The following ADAMTSL1 variants were observed in gnomAD, a reference collection of about 807,000 sequenced individuals.
ADAMTSL1 encodes the protein ADAMTS-like protein 1.
Under a neutral mutation model 201.8 loss-of-function variants are expected in ADAMTSL1, and 126 were observed. The ratio of observed to expected loss-of-function variants is 0.62; its 90% CI spans 0.54 to 0.72. The LOEUF is 0.72. Ranked by LOEUF, ADAMTSL1 falls within the 30% of genes least tolerant of loss-of-function variation. The probability of loss-of-function intolerance (pLI) is 0.00; values close to 1 mark genes in which losing one functional copy is unlikely to be tolerated. For missense variants in ADAMTSL1, 2,679 were observed against 2,277.8 expected, an observed-to-expected ratio of 1.18 and a Z score of -3.59; for synonymous variants, 1,121 against 903.4, an observed-to-expected ratio of 1.24 and a Z score of -4.32.
chr9:18,880,945 T>G (rs1828490288), intron 23 of ADAMTSL1, among the ~76,000 whole-genome samples: 1 of 152,214 alleles, frequency 6.6e-6, no homozygotes. Context: ...AACTTGCACT[T>G]TTATGTAAGA....
rs1454774774 is a variant in ADAMTSL1, at chr9:18,706,948, A to C, written c.1776A>C (p.Pro592=). Residue 592 remains proline, a synonymous_variant, in exon 14 of 29, where the codon CCA becomes CCC. Transcript: ENST00000380548. ...PCSGEIPEFN[P]DETDGLFGGL... is the part of the protein sequence containing the mutation. ...GCGGGGAAATTCCTGAGTTCAACCC[A>C]GACGAGACAGATGGGCTCTTTGGTG... 1 of 1,613,884 alleles carries C rather than the reference A, an allele frequency of 6.2e-7. No homozygotes were observed. The highest frequency in any genetic ancestry group is 1.3e-5 in the African/African-American group (1 of 74,928).
chr9:18,316,930 A>G (rs1563882433), intron 2 of ADAMTSL1, among the ~76,000 whole-genome samples: 1 of 152,168 alleles, frequency 6.6e-6, no homozygotes, highest in Non-Finnish European at 1.5e-5. Flanking sequence ...CTACACCTCC[A>G]TATTTATTGC....
chr9:18,338,178 T>C (rs184598670), intron 2 of ADAMTSL1, among the ~76,000 whole-genome samples: 2 of 152,144 alleles, frequency 1.3e-5, no homozygotes, highest in African/African-American at 2.4e-5. Context: ...CATAGTGAAC[T>C]GTTTTTTAAA....
At chr9:18,636,341 T>G (rs185483365) in intron 6 of ADAMTSL1, among the ~76,000 whole-genome samples, 22 of 152,320 alleles carry the variant, frequency 1.4e-4, no homozygotes, top group Admixed American at 9.2e-4. Context: ...AATCTTTTTT[T>G]GCCTTGCCTC....
intron 23 of ADAMTSL1, among the ~76,000 whole-genome samples, chr9:18,838,401 AC>A (rs60630720): frequency 0.074 from 10,006 of 135,490 alleles, 748 homozygotes; most frequent in African/African-American, 0.23. Context: ...ACACACACAC[AC>A]GCAAAAACCT....
chr9:18,605,979 C>G (rs1050193889), intron 4 of ADAMTSL1, among the ~76,000 whole-genome samples: 1 of 152,146 alleles, frequency 6.6e-6, no homozygotes, highest in Non-Finnish European at 1.5e-5. Flanking sequence ...TCTGGGCTTT[C>G]TACCCCTTTC....
At chr9:18,262,331 C>T (rs547369069) in intron 2 of ADAMTSL1, among the ~76,000 whole-genome samples, 165 of 152,304 alleles carry the variant, frequency 1.1e-3, no homozygotes, top group Middle Eastern at 3.4e-3. Flanking sequence ...TCAACCAATG[C>T]ATGTCCAGAA....
chr9:18,364,173 A>G (rs538413425), intron 2 of ADAMTSL1, among the ~76,000 whole-genome samples: 1 of 152,228 alleles, frequency 6.6e-6, no homozygotes, highest in Non-Finnish European at 1.5e-5. Flanking sequence ...AGAGCCATGG[A>G]TGAGTAGGAG....
At chr9:18,744,822 T>C (rs913250383) in intron 15 of ADAMTSL1, among the ~76,000 whole-genome samples, 6 of 152,242 alleles carry the variant, frequency 3.9e-5, no homozygotes, top group African/African-American at 1.4e-4. Flanking sequence ...CAGTCTTCTA[T>C]CTTTCATATA....
At chr9:18,905,203 C>T (rs1380236636) in intron 26 of ADAMTSL1, among the ~76,000 whole-genome samples, 1 of 152,160 alleles carries the variant, frequency 6.6e-6, no homozygotes, top group African/African-American at 2.4e-5. Context: ...TTTACTGTGA[C>T]AGGGTCAGGC....
chr9:18,111,028 A>G (rs1824984206), intron 1 of ADAMTSL1, among the ~76,000 whole-genome samples: 1 of 152,152 alleles, frequency 6.6e-6, no homozygotes, highest in Non-Finnish European at 1.5e-5. Flanking sequence ...TCTTCTCTAA[A>G]ATGATGCTCT....
chr9:18,228,740 C>T (rs933023106), intron 2 of ADAMTSL1, among the ~76,000 whole-genome samples: 3 of 152,006 alleles, frequency 2.0e-5, no homozygotes, highest in Non-Finnish European at 4.4e-5. Flanking sequence ...ATGCCTTGCT[C>T]TCACAGGAAA....
intron 2 of ADAMTSL1, among the ~76,000 whole-genome samples, chr9:18,452,551 G>A (rs1283954547): frequency 6.6e-6 from 1 of 152,122 alleles, no homozygotes; most frequent in African/African-American, 2.4e-5. Flanking sequence ...TGAAACTCCA[G>A]GCATGATTCA....
At chr9:18,112,331 C>T (rs979209734) in intron 1 of ADAMTSL1, among the ~76,000 whole-genome samples, 2 of 152,006 alleles carry the variant, frequency 1.3e-5, no homozygotes, top group African/African-American at 2.4e-5. Context: ...CCCGAGGGGA[C>T]GTACTCCATT....
chr9:18,067,659 A>G (rs1403613474), intron 1 of ADAMTSL1, among the ~76,000 whole-genome samples: 1 of 152,184 alleles, frequency 6.6e-6, no homozygotes, highest in Non-Finnish European at 1.5e-5. Context: ...GCGGTGAAAT[A>G]CTCAGCACAG....
chr9:18,866,191 A>G (rs1827532765), intron 23 of ADAMTSL1, among the ~76,000 whole-genome samples: 1 of 151,350 alleles, frequency 6.6e-6, no homozygotes, highest in Non-Finnish European at 1.5e-5. Flanking sequence ...GGAACCTGTT[A>G]AAAGCCAGGT....
intron 1 of ADAMTSL1, among the ~76,000 whole-genome samples, chr9:18,085,931 T>C (rs1823750201): frequency 6.6e-6 from 1 of 151,948 alleles, no homozygotes; most frequent in Non-Finnish European, 1.5e-5. Context: ...GCAAGGACAG[T>C]AGCAGCAGAG....
chr9:18,429,529 TAATTA>T, intron 2 of ADAMTSL1, among the ~76,000 whole-genome samples: 1 of 152,290 alleles, frequency 6.6e-6, no homozygotes, highest in East Asian at 1.9e-4. Flanking sequence ...CTCCAGTTGC[TAATTA>T]AATTAAAGTC....
intron 16 of ADAMTSL1, among the ~76,000 whole-genome samples, chr9:18,756,626 G>C (rs1239850390): frequency 1.3e-5 from 2 of 152,172 alleles, no homozygotes; most frequent in Non-Finnish European, 2.9e-5. Context: ...CACTCACCTG[G>C]TCTTTTCCAT....
Sources: gnomAD v4.1 joint callset for allele counts (sites outside exome capture counted in the v4.1 genomes callset) on GRCh38, gnomAD v4.1.1 for gene constraint, MANE v1.5 for transcripts, NCBI Gene and HGNC (gene_info 2026-07-23, HGNC 2026-07-21) for gene names.